Variants in MAN1A1 observed in about 807,000 individuals in gnomAD.
MAN1A1 encodes the protein mannosidase alpha class 1A member 1.
MAN1A1 carries 29 observed loss-of-function variants against 70.8 expected under a neutral mutation model. That is an observed-to-expected ratio of 0.41 (90% CI 0.31 to 0.56). The LOEUF (loss-of-function observed/expected upper bound fraction) is 0.56. Ranked by LOEUF, MAN1A1 falls within the 20% of genes least tolerant of loss-of-function variation. MAN1A1 has a pLI of 0.29. For synonymous variants in MAN1A1, 349 were observed against 330.1 expected, an observed-to-expected ratio of 1.06 and a Z score of -0.62; for missense variants, 747 against 841.3, an observed-to-expected ratio of 0.89 and a Z score of 1.39.
At chr6:119,212,150 T>G (rs1231378276) in intron 6 of MAN1A1, among the ~76,000 whole-genome samples, 1 of 149,594 alleles carries the variant, frequency 6.7e-6, no homozygotes, top group African/African-American at 2.5e-5. Context: ...AATAGTAGGT[T>G]TTTTTTTTTT....
At chr6:119,222,403 T>C (rs1265799110) in intron 6 of MAN1A1, among the ~76,000 whole-genome samples, 1 of 150,644 alleles carries the variant, frequency 6.6e-6, no homozygotes, top group Non-Finnish European at 1.5e-5. Context: ...CATGGCTTAC[T>C]GTAGCCTTGA....
intron 2 of MAN1A1, among the ~76,000 whole-genome samples, chr6:119,309,143 G>T (rs554713773): frequency 1.3e-5 from 2 of 152,242 alleles, no homozygotes; most frequent in South Asian, 4.1e-4. Context: ...ACTGGGAGGG[G>T]TTTATCCAGC....
chr6:119,237,848 T>A (rs72960631), intron 6 of MAN1A1, among the ~76,000 whole-genome samples: 39,611 of 151,700 alleles, frequency 0.26, 6,238 homozygotes, highest in Non-Finnish European at 0.35. Context: ...GCATGCTACA[T>A]TTTTTTTAAA....
chr6:119,223,768 G>T (rs72960613), intron 6 of MAN1A1, among the ~76,000 whole-genome samples: 15,193 of 152,048 alleles, frequency 0.1, 971 homozygotes, highest in Non-Finnish European at 0.14. Context: ...TTTAAAAATG[G>T]AGGGACTTCT....
chr6:119,330,126 T>C (rs1277308056), intron 2 of MAN1A1, among the ~76,000 whole-genome samples: 2 of 152,186 alleles, frequency 1.3e-5, no homozygotes, highest in Admixed American at 1.3e-4. Context: ...ACAGGACACA[T>C]TATCCCTAAT....
chr6:119,187,841 A>G (rs1773333045), intron 11 of MAN1A1, among the ~76,000 whole-genome samples: 1 of 152,246 alleles, frequency 6.6e-6, no homozygotes. Flanking sequence ...TATCCTCAGC[A>G]GGAAGAGACC....
chr6:119,313,099 T>C (rs1772754964), intron 2 of MAN1A1, among the ~76,000 whole-genome samples: 1 of 152,044 alleles, frequency 6.6e-6, no homozygotes, highest in African/African-American at 2.4e-5. Flanking sequence ...GCTTTGACCT[T>C]TAGCTGAACT....
rs780026666 is a variant in MAN1A1 at position 119,200,848 on chromosome 6, CATT to C, written c.1210+403_1210+405del. 7.9e-5 allele frequency among the ~76,000 whole-genome samples: 12 copies of C among 152,298 alleles called. 1 individual carries two copies. The South Asian group carries it at 2.5e-3, about 32-fold the overall frequency. ...CTCTTAAAAATTCAGGCTCCTCTCTCATTATATAGCCATGCAGAAACAGAATGT... is the reference window on the plus strand; with the variant it reads ...CTCTTAAAAATTCAGGCTCCTCTCTCATATAGCCATGCAGAAACAGAATGT... On this transcript the variant is annotated intron_variant, in intron 8 of 12. Coordinates refer to ENST00000368468, the MANE Select transcript of MAN1A1 (RefSeq NM_005907.4).
chr6:119,310,264 A>C (rs1457292805), intron 2 of MAN1A1, among the ~76,000 whole-genome samples: 1 of 152,236 alleles, frequency 6.6e-6, no homozygotes, highest in Non-Finnish European at 1.5e-5. Context: ...CCATTTGCTG[A>C]AGTTTTAAAC....
intron 6 of MAN1A1, among the ~76,000 whole-genome samples, chr6:119,212,765 T>A (rs1252381092): frequency 6.6e-6 from 1 of 152,222 alleles, no homozygotes; most frequent in East Asian, 1.9e-4. Flanking sequence ...GACTGGTATA[T>A]GAAACACACT....
chr6:119,328,890 C>T (rs1170105396), intron 2 of MAN1A1, among the ~76,000 whole-genome samples: 2 of 152,176 alleles, frequency 1.3e-5, no homozygotes, highest in African/African-American at 2.4e-5. Context: ...AGGTGGGGAA[C>T]TGTCATTTCA....
chr6:119,239,174 G>T (rs926000539), intron 6 of MAN1A1, among the ~76,000 whole-genome samples: 1 of 151,972 alleles, frequency 6.6e-6, no homozygotes, highest in Non-Finnish European at 1.5e-5. Flanking sequence ...CACCGCACCC[G>T]GCCTGAAACT....
chr6:119,234,500 A>G (rs1236655388), intron 6 of MAN1A1, among the ~76,000 whole-genome samples: 4 of 151,906 alleles, frequency 2.6e-5, no homozygotes, highest in Non-Finnish European at 5.9e-5. Context: ...TGCAGCCTTG[A>G]TCTCCTGGAC....
At position 119,180,434 on chromosome 6, in the gene MAN1A1, T is replaced by C. The variant is rs753003120; in HGVS notation, c.1720-7A>G. 211 of 1,472,654 alleles carry C rather than the reference T, an allele frequency of 1.4e-4. 3 individuals are homozygous for C. The Admixed American group carries it at 3.9e-3, about 27-fold the overall frequency. The allele number at this position is 1,472,654 out of a possible 1,614,324, so 91.2% of individuals were successfully genotyped here. On this transcript the variant is annotated splice_region_variant and splice_polypyrimidine_tract_variant and intron_variant, in intron 11 of 12. Coordinates refer to ENST00000368468, the MANE Select transcript of MAN1A1 (RefSeq NM_005907.4). ...TGCAATGGTTTTCCAAGGCCTAAAT[T>C]ATAGAGGAGGAAAAAAAAAAGTCAC...
In MAN1A1 at chr6:119,198,303, T is replaced by C. The variant is rs1027426305; in HGVS notation, c.1210+2951A>G. 1.4e-4 allele frequency among the ~76,000 whole-genome samples: 21 copies of C among 152,264 alleles called. No homozygotes were observed. The South Asian group carries it at 2.1e-3, about 15-fold the overall frequency. ...TACTCGGGAGGCTGAGGCAGGAGAA[T>C]TGCTTGAGCATGGGACAGGGAGGTT... On this transcript the variant is annotated intron_variant, in intron 8 of 12. Coordinates refer to ENST00000368468, the MANE Select transcript of MAN1A1 (RefSeq NM_005907.4).
chr6:119,349,727 A>C lies in MAN1A1; in HGVS notation c.-408T>G. The C allele has an allele frequency of 1.0e-6, 1 of 985,710 alleles. No homozygotes were observed. Among genetic ancestry groups the C allele is most frequent in the Non-Finnish European group, 1.2e-6 (1 of 830,016 alleles). The allele number at this position is 985,710 out of a possible 1,614,324, so 61.1% of individuals were successfully genotyped here. On this transcript the variant is annotated 5_prime_UTR_variant, in exon 1 of 13. Transcript: ENST00000368468. ...GCGGGCGAATGGCAGCGAGTAGAGC[A>C]GCACGGTACACTCCGCCGCGGCCCC...
rs540263407 is a variant in MAN1A1 at position 119,222,768 on chromosome 6, TA to T, written c.993-17887del. ...AATTGCCTTTAAAATGTTATTTATA[TA>T]ATCACAGCTGAAATCCTGGGCAGTG... On this transcript the variant is annotated intron_variant, in intron 6 of 12. Coordinates refer to ENST00000368468, the MANE Select transcript of MAN1A1 (RefSeq NM_005907.4). Among the ~76,000 whole-genome samples, 5 of 152,342 alleles carry T rather than the reference TA, an allele frequency of 3.3e-5. No individual in the cohort carries two copies. In the South Asian group the frequency reaches 1.0e-3, roughly 32 times the overall value.
At chr6:119,226,735 A>G (rs994905299) in intron 6 of MAN1A1, among the ~76,000 whole-genome samples, 3 of 152,160 alleles carry the variant, frequency 2.0e-5, no homozygotes, top group African/African-American at 4.8e-5. Flanking sequence ...CAGTGGCGCA[A>G]TCTTGGCTCA....
chr6:119,221,772 A>G (rs142548156), intron 6 of MAN1A1, among the ~76,000 whole-genome samples: 189 of 152,174 alleles, frequency 1.2e-3, no homozygotes, highest in African/African-American at 4.2e-3. Context: ...TATTTTCCAA[A>G]ACTTTATTTT....
Sources: allele counts gnomAD v4.1 joint callset (sites outside exome capture counted in the v4.1 genomes callset), GRCh38; gene constraint gnomAD v4.1.1; transcripts MANE v1.5; gene names NCBI Gene and HGNC (gene_info 2026-07-23, HGNC 2026-07-21).